TPGS2: variants seen among roughly 807,000 people sequenced by gnomAD.
The protein encoded by TPGS2 is polyglutamylase subunit 2.
A neutral mutation model predicts 31.1 loss-of-function variants in TPGS2; 26 were observed. The observed-to-expected ratio is 0.84, with a 90% CI of 0.61 to 1.16. The LOEUF (loss-of-function observed/expected upper bound fraction) is 1.16, where lower values mean the gene tolerates loss of function less well. TPGS2 is among the 50% of genes most tolerant of loss of function. The pLI, the probability that TPGS2 is intolerant of heterozygous loss-of-function variation, is 0.00. For synonymous variants in TPGS2, 130 were observed against 136.6 expected, an observed-to-expected ratio of 0.95 and a Z score of 0.34; for missense variants, 351 against 363.8, an observed-to-expected ratio of 0.96 and a Z score of 0.29.
chr18:36,820,850 G>C (rs1199015943), intron 1 of TPGS2: 1 of 152,176 alleles, frequency 6.6e-6, no homozygotes, highest in Non-Finnish European at 1.5e-5. Flanking sequence ...TATATGAGAA[G>C]CAATATCTGA....
At position 36,828,837 on chromosome 18, in the gene TPGS2, A is replaced by G; in HGVS notation, c.-70T>C. On this transcript the variant is annotated 5_prime_UTR_variant, in exon 1 of 7. Coordinates refer to ENST00000334295, the MANE Select transcript of TPGS2 (RefSeq NM_015476.4). ...CGGACCCCGCCTCAGCGCCGAGGCC[A>G]ATTTCATGGCATGCCGGGAACGGTA... is the stretch of plus-strand genomic sequence containing the variant. 1.9e-6 allele frequency: 3 copies of G among 1,558,958 alleles called. No individual in the cohort carries two copies. The highest frequency in any genetic ancestry group is 2.6e-6 in the Non-Finnish European group (3 of 1,140,308).
intron 2 of TPGS2, among the ~76,000 whole-genome samples, chr18:36,812,286 G>A (rs2045464182): frequency 6.6e-6 from 1 of 152,186 alleles, no homozygotes; most frequent in African/African-American, 2.4e-5. Flanking sequence ...GGTAGCTGCA[G>A]GATGGGGGAT....
rs148246096 is a variant in TPGS2 at position 36,786,468 on chromosome 18, C to T, written c.658-3337G>A. ...TTCTGACCTTGTGATCCACCCGCCT[C>T]GGCCTCCCAAAGTGCTGCGATTACA... On this transcript the variant is annotated intron_variant, in intron 6 of 6. Transcript: ENST00000587129. The T allele has an allele frequency of 4.7e-3, 743 of 157,150 alleles. 5 individuals carry two copies. The highest frequency in any genetic ancestry group is 0.022 in the South Asian group (109 of 4,872). 9.7% of individuals were successfully genotyped at this position (157,150 alleles called of 1,614,324 possible). A position where few individuals can be genotyped will look rare whatever the true frequency, so the allele number is the denominator to read the frequency against.
chr18:36,790,568 A>G (rs973954531), downstream of TPGS2, among the ~76,000 whole-genome samples: 5 of 152,234 alleles, frequency 3.3e-5, no homozygotes, highest in African/African-American at 1.2e-4. Context: ...ACAGCTAGTA[A>G]GTGGCAAGAG....
Position 36,794,534 on chromosome 18 carries a change from G to A in TPGS2, c.*2271C>T. 1 of 985,440 alleles carries A rather than the reference G, an allele frequency of 1.0e-6. No individual in the cohort carries two copies. Among genetic ancestry groups the A allele is most frequent in the South Asian group, 4.7e-5 (1 of 21,282 alleles). 61.0% of individuals were successfully genotyped at this position (985,440 alleles called of 1,614,324 possible). A position where few individuals can be genotyped will look rare whatever the true frequency, so the allele number is the denominator to read the frequency against. On this transcript the variant is annotated 3_prime_UTR_variant, in exon 7 of 7. Coordinates refer to ENST00000334295, the MANE Select transcript of TPGS2 (RefSeq NM_015476.4). Reference sequence around the variant, plus strand: ...TACTAAAAAAGGGGTATCTGCTGCAGTGGAAGATGACATAACTTCTCAACT... The same window carrying A: ...TACTAAAAAAGGGGTATCTGCTGCAATGGAAGATGACATAACTTCTCAACT...
intron 6 of TPGS2, 44 bp downstream of exon 6, chr18:36,798,405 T>C (rs376897968): frequency 2.5e-6 from 4 of 1,611,602 alleles, no homozygotes; most frequent in Non-Finnish European, 1.7e-6. Context: ...TCAGTAGATT[T>C]TGGAATATAC....
intron 6 of TPGS2, among the ~76,000 whole-genome samples, chr18:36,785,935 C>T (rs2044115083): frequency 6.6e-6 from 1 of 152,126 alleles, no homozygotes; most frequent in Admixed American, 6.5e-5. Flanking sequence ...GCCAAGTATA[C>T]ATACTCAACA....
Position 36,796,649 on chromosome 18 carries a change from C to T in TPGS2, c.*156G>A. ...CTGCTCTGGAGGCCTCACTACGAGC[C>T]TGGCTAATGTCGGTGGGACTAAAAG... On this transcript the variant is annotated 3_prime_UTR_variant, in exon 7 of 7. Transcript: ENST00000334295. 7.0e-7 allele frequency: 1 copy of T among 1,420,870 alleles called. No individual in the cohort carries two copies. Among genetic ancestry groups the T allele is most frequent in the Non-Finnish European group, 9.2e-7 (1 of 1,092,500 alleles). The allele number at this position is 1,420,870 out of a possible 1,614,324, so 88.0% of individuals were successfully genotyped here.
At chr18:36,788,811 G>C (rs1014781394) in intron 6 of TPGS2, 1 of 152,010 alleles carries the variant, frequency 6.6e-6, no homozygotes, top group Admixed American at 6.6e-5. Flanking sequence ...TGGAAGATGG[G>C]GTATCCATCC....
At chr18:36,804,723 T>C (rs548483696) in intron 4 of TPGS2, among the ~76,000 whole-genome samples, 27 of 152,322 alleles carry the variant, frequency 1.8e-4, no homozygotes, top group African/African-American at 6.5e-4. Flanking sequence ...ACTGCACAAC[T>C]AAAAGTATTT....
At chr18:36,788,123 A>G (rs1243521657) in intron 6 of TPGS2, among the ~76,000 whole-genome samples, 3 of 152,170 alleles carry the variant, frequency 2.0e-5, no homozygotes, top group Non-Finnish European at 4.4e-5. Context: ...TCTGTTTCTG[A>G]TATTATATTG....
At chr18:36,793,931 TG>T (rs2044405936), downstream of TPGS2, among the ~76,000 whole-genome samples, 1 of 151,936 alleles carries the variant, frequency 6.6e-6, no homozygotes, top group South Asian at 2.1e-4. Context: ...TTAGTAGAGA[TG>T]GGGTTTCACT....
chr18:36,785,248 G>A (rs999536908), intron 6 of TPGS2, among the ~76,000 whole-genome samples: 3 of 152,106 alleles, frequency 2.0e-5, no homozygotes, highest in Admixed American at 6.5e-5. Context: ...GCAGTGAGCC[G>A]AGATCGCGCC....
rs962718837 is a variant in TPGS2 at position 36,796,256 on chromosome 18, T to G, written c.*549A>C. The G allele has an allele frequency of 3.0e-6, 3 of 985,366 alleles. No individual in the cohort carries two copies. In the African/African-American group the frequency reaches 5.2e-5, roughly 17 times the overall value. The allele number at this position is 985,366 out of a possible 1,614,324, so 61.0% of individuals were successfully genotyped here. On this transcript the variant is annotated 3_prime_UTR_variant, in exon 7 of 7. Transcript: ENST00000334295. ...TTGAGGAAGAGCAGTATGAAAATAT[T>G]CTAATGCAGTGCTGTCCAACAGAAC...
At chr18:36,821,590 CT>C (rs1283199889) in intron 1 of TPGS2, among the ~76,000 whole-genome samples, 1 of 152,208 alleles carries the variant, frequency 6.6e-6, no homozygotes, top group African/African-American at 2.4e-5. Flanking sequence ...GTAGGAGACA[CT>C]GTTTCAAGAA....
chr18:36,794,750 A>C lies in TPGS2; in HGVS notation c.*2055T>G, dbSNP rs145681305. The C allele has an allele frequency of 2.4e-5, 24 of 984,778 alleles. 1 individual carries two copies. In the Admixed American group the frequency reaches 1.5e-3, roughly 61 times the overall value. The allele number at this position is 984,778 out of a possible 1,614,324, so 61.0% of individuals were successfully genotyped here. A position where few individuals can be genotyped will look rare whatever the true frequency, so the allele number is the denominator to read the frequency against. ...CTCCATGAATTGTTGCACATTTATA[A>C]ATCCTTGAAGTATAATAACCTAAAC... is the stretch of plus-strand genomic sequence containing the variant. On this transcript the variant is annotated 3_prime_UTR_variant, in exon 7 of 7. Transcript: ENST00000334295.
chr18:36,790,463 G>A (rs1393895981), downstream of TPGS2, among the ~76,000 whole-genome samples: 3 of 152,164 alleles, frequency 2.0e-5, no homozygotes, highest in African/African-American at 7.2e-5. Context: ...ACAAGGCCTG[G>A]GTGCTAAGAG....
At chr18:36,819,617 AC>A (rs1198739992) in intron 1 of TPGS2, among the ~76,000 whole-genome samples, 2 of 152,204 alleles carry the variant, frequency 1.3e-5, no homozygotes, top group Non-Finnish European at 2.9e-5. Flanking sequence ...ACCTGGGAAT[AC>A]TACAGAGTTC....
downstream of TPGS2, among the ~76,000 whole-genome samples, chr18:36,791,734 C>G (rs1438821889): frequency 6.6e-6 from 1 of 151,964 alleles, no homozygotes; most frequent in Non-Finnish European, 1.5e-5. Flanking sequence ...GTTGCTTAAG[C>G]CAAAGAAGGA....
Sources: gnomAD v4.1 joint callset for allele counts (sites outside exome capture counted in the v4.1 genomes callset) on GRCh38, gnomAD v4.1.1 for gene constraint, MANE v1.5 for transcripts, NCBI Gene and HGNC (gene_info 2026-07-23, HGNC 2026-07-21) for gene names.